WDSUB1: variants seen among roughly 807,000 people sequenced by gnomAD.
WDSUB1 encodes WD repeat, sterile alpha motif and U-box domain containing 1, also known as WD repeat, SAM and U-box domain-containing protein 1.
WDSUB1 carries 49 observed loss-of-function variants against 53.9 expected under a neutral mutation model. The ratio of observed to expected loss-of-function variants is 0.91; its 90% CI spans 0.72 to 1.15. The LOEUF (loss-of-function observed/expected upper bound fraction) is 1.15, where lower values mean the gene tolerates loss of function less well. Among genes scored for constraint, WDSUB1 ranks in the 50% most tolerant of loss-of-function variants. WDSUB1 has a pLI of 0.00. For synonymous variants in WDSUB1, 194 were observed against 200.6 expected, an observed-to-expected ratio of 0.97 and a Z score of 0.28; for missense variants, 514 against 562.0, an observed-to-expected ratio of 0.91 and a Z score of 0.86.
At position 159,279,770 on chromosome 2, in the gene WDSUB1, G is replaced by A; in HGVS notation, c.574C>T (p.Pro192Ser). ...GAATAAAATAACCAACCAGAAACTG[G>A]CTGTGAAGAAAAATCGCAGCAGGTA... ...GITCCDFSSQ[P>S]VSDGEQGLQF... The change falls in exon 3 of 11, where the codon CCA (proline) becomes TCA (serine). Residue 192 changes from proline to serine, a missense_variant. Coordinates refer to ENST00000359774, the MANE Select transcript of WDSUB1 (RefSeq NM_001128212.3). 1 of 1,601,904 alleles carries A rather than the reference G, an allele frequency of 6.2e-7. No homozygotes were observed. The highest frequency in any genetic ancestry group is 8.5e-7 in the Non-Finnish European group (1 of 1,173,186).
At chr2:159,239,455 C>G (rs1169485227) in intron 10 of WDSUB1, among the ~76,000 whole-genome samples, 1 of 152,072 alleles carries the variant, frequency 6.6e-6, no homozygotes, top group African/African-American at 2.4e-5. Context: ...TTTGGGCTTT[C>G]TACATATACA....
In WDSUB1 at chr2:159,236,208, C is replaced by T. The variant is rs996167564; in HGVS notation, c.1274-18G>A. ...ATAGCCATCTAAAAAAAAAAAATCA[C>T]ACAAATTACATGATGTAGGAAAGGG... On this transcript the variant is annotated intron_variant, in intron 10 of 10. Transcript: ENST00000359774. 1 of 1,583,400 alleles carries T rather than the reference C, an allele frequency of 6.3e-7. No individual in the cohort carries two copies. Among genetic ancestry groups the T allele is most frequent in the Non-Finnish European group, 8.6e-7 (1 of 1,163,400 alleles).
chr2:159,244,447 G>T (rs1469316069), intron 10 of WDSUB1, among the ~76,000 whole-genome samples: 1 of 151,602 alleles, frequency 6.6e-6, no homozygotes, highest in Non-Finnish European at 1.5e-5. Flanking sequence ...ACATTGTATT[G>T]GGCATAAGTA....
intron 1 of WDSUB1, among the ~76,000 whole-genome samples, chr2:159,285,414 GA>G (rs35321223): frequency 6.6e-6 from 1 of 150,626 alleles, no homozygotes; most frequent in Non-Finnish European, 1.5e-5. Flanking sequence ...CTCTACCAAA[GA>G]AAAAAAAAGT....
At chr2:159,242,794 G>A (rs560343312) in intron 10 of WDSUB1, among the ~76,000 whole-genome samples, 1 of 148,204 alleles carries the variant, frequency 6.7e-6, no homozygotes, top group South Asian at 2.1e-4. Context: ...AAAATCGCTT[G>A]TCTGTTTTTC....
chr2:159,270,722 T>C (rs1014992006), intron 5 of WDSUB1, among the ~76,000 whole-genome samples: 17 of 152,210 alleles, frequency 1.1e-4, no homozygotes, highest in Non-Finnish European at 2.2e-4. Flanking sequence ...TAGGAAAATA[T>C]CTTCATGACC....
intron 9 of WDSUB1, among the ~76,000 whole-genome samples, chr2:159,249,708 T>A (rs2060902669): frequency 6.6e-6 from 1 of 151,998 alleles, no homozygotes; most frequent in African/African-American, 2.4e-5. Context: ...ACTGGGGGTT[T>A]CCCAAGCTCA....
chr2:159,257,201 C>T (rs1440209476), intron 8 of WDSUB1, among the ~76,000 whole-genome samples: 1 of 152,032 alleles, frequency 6.6e-6, no homozygotes, highest in Non-Finnish European at 1.5e-5. Context: ...GGGGTTTCAC[C>T]ATGTTGCCCA....
chr2:159,259,063 G>T (rs986878743), intron 6 of WDSUB1, among the ~76,000 whole-genome samples: 1 of 143,790 alleles, frequency 7.0e-6, no homozygotes, highest in African/African-American at 2.5e-5. Context: ...TCACTCTGTT[G>T]CCCAGGCTGG....
At position 159,256,187 on chromosome 2, in the gene WDSUB1, T is replaced by TA. The variant is rs1559541456; in HGVS notation, c.1132+8dup. On this transcript the variant is annotated intron_variant, in intron 9 of 10. Transcript: ENST00000359774. ...GTTTTGAAGATTGCCTATCTTTCAC[T>TA]AAGCTTACCAATTTTCAAATCATCA... is the stretch of plus-strand genomic sequence containing the variant. 1.3e-6 allele frequency: 2 copies of TA among 1,589,412 alleles called. No homozygotes were observed. The highest frequency in any genetic ancestry group is 1.7e-6 in the Non-Finnish European group (2 of 1,171,412).
At chr2:159,280,646 C>G (rs984777361) in intron 2 of WDSUB1, among the ~76,000 whole-genome samples, 11 of 131,178 alleles carry the variant, frequency 8.4e-5, no homozygotes, top group African/African-American at 2.1e-4. Flanking sequence ...AGCCGAGATC[C>G]CGCCACTGCA....
intron 9 of WDSUB1, among the ~76,000 whole-genome samples, chr2:159,253,928 G>A (rs1288527195): frequency 6.6e-6 from 1 of 152,102 alleles, no homozygotes; most frequent in Non-Finnish European, 1.5e-5. Flanking sequence ...AAATACATTA[G>A]AATGACATAA....
chr2:159,246,416 A>C (rs1367806174), intron 10 of WDSUB1, among the ~76,000 whole-genome samples: 1 of 132,280 alleles, frequency 7.6e-6, no homozygotes, highest in East Asian at 2.2e-4. Context: ...TGGGCAACAG[A>C]GCGAGAGTCT....
At chr2:159,268,745 C>T (rs1043379595) in intron 5 of WDSUB1, among the ~76,000 whole-genome samples, 2 of 152,102 alleles carry the variant, frequency 1.3e-5, no homozygotes, top group South Asian at 2.1e-4. Context: ...AATCATGAAA[C>T]GATGTTCCAG....
intron 5 of WDSUB1, among the ~76,000 whole-genome samples, chr2:159,267,589 G>A (rs1326435814): frequency 6.6e-6 from 1 of 152,114 alleles, no homozygotes; most frequent in East Asian, 1.9e-4. Context: ...ACAGGCATGA[G>A]CTCCACACCC....
At chr2:159,276,186 C>G (rs898306248) in intron 3 of WDSUB1, among the ~76,000 whole-genome samples, 3 of 152,136 alleles carry the variant, frequency 2.0e-5, no homozygotes, top group Non-Finnish European at 4.4e-5. Context: ...CTCAGCCTCC[C>G]AAGTAGCTGA....
chr2:159,248,571 C>G (rs945589107), intron 9 of WDSUB1, 59 bp from the exon 10 acceptor site: 12 of 1,423,150 alleles, frequency 8.4e-6, no homozygotes, highest in South Asian at 1.6e-5. Flanking sequence ...TACTAGGATA[C>G]TACCAGTAAT....
chr2:159,266,512 G>C (rs6704582), intron 5 of WDSUB1, among the ~76,000 whole-genome samples: 86,957 of 151,964 alleles, frequency 0.57, 26,183 homozygotes, highest in African/African-American at 0.72. Context: ...TTAAGAATGT[G>C]AAGGAATCTT....
At chr2:159,247,166 C>T (rs1488712884) in intron 10 of WDSUB1, among the ~76,000 whole-genome samples, 1 of 152,128 alleles carries the variant, frequency 6.6e-6, no homozygotes, top group Non-Finnish European at 1.5e-5. Flanking sequence ...ATTTCATAGC[C>T]TGAAATAAAA....
Sources: allele counts gnomAD v4.1 joint callset (sites outside exome capture counted in the v4.1 genomes callset), GRCh38; gene constraint gnomAD v4.1.1; transcripts MANE v1.5; gene names NCBI Gene and HGNC (gene_info 2026-07-23, HGNC 2026-07-21).